ITFG2: variants seen among roughly 807,000 people sequenced by gnomAD.
The protein encoded by ITFG2 is integrin alpha FG-GAP repeat containing 2, also known as KICSTOR complex protein ITFG2.
In ITFG2, 36 loss-of-function variants were observed where a neutral mutation model predicts 54.4. That is an observed-to-expected ratio of 0.66 (90% CI 0.51 to 0.87). The LOEUF is 0.87. Ranked by LOEUF, ITFG2 falls within the 40% of genes least tolerant of loss-of-function variation. The pLI is 0.00. For synonymous variants in ITFG2, 211 were observed against 225.4 expected (o/e 0.94, Z 0.57); for missense variants, 524 against 576.7 (o/e 0.91, Z 0.94).
Position 2,820,254 on chromosome 12 carries a change from C to T in ITFG2, c.546+29C>T, listed in dbSNP as rs371263886. 2.6e-6 allele frequency: 4 copies of T among 1,547,158 alleles called. No individual in the cohort carries two copies. In the African/African-American group the frequency reaches 5.5e-5, roughly 21 times the overall value. On this transcript the variant is annotated intron_variant, in intron 5 of 11. Transcript: ENST00000228799. ...AGAAGCTGACTCTGGGGAACAAGGCCCCAGGGAGCTGGGAGGAAGGTCTCC... is the reference window on the plus strand; with the variant it reads ...AGAAGCTGACTCTGGGGAACAAGGCTCCAGGGAGCTGGGAGGAAGGTCTCC...
In ITFG2 at chr12:2,852,086, G is replaced by T. The variant is rs530220856; in HGVS notation, n.301-5926G>T. 2.0e-5 allele frequency among the ~76,000 whole-genome samples: 3 copies of T among 152,228 alleles called. No individual in the cohort carries two copies. In the South Asian group the frequency reaches 6.2e-4, roughly 32 times the overall value. On this transcript the variant is annotated intron_variant and non_coding_transcript_variant, in intron 2 of 3. Transcript: ENST00000537710. ...AGCTCCATTATAATCTTATGGGACC[G>T]CTGTGGTATATGTGGTCTGTCACTG...
chr12:2,854,655 G>T (rs1269978162), intron 2 of ITFG2, among the ~76,000 whole-genome samples: 1 of 152,172 alleles, frequency 6.6e-6, no homozygotes, highest in Non-Finnish European at 1.5e-5. Flanking sequence ...TGTGTCCCCA[G>T]TGCCTACCAG....
intron 2 of ITFG2, among the ~76,000 whole-genome samples, chr12:2,846,162 C>T (rs2098052854): frequency 6.6e-6 from 1 of 152,192 alleles, no homozygotes; most frequent in African/African-American, 2.4e-5. Flanking sequence ...TGCTGCAGAG[C>T]AGAGGCTGTT....
intron 1 of ITFG2, among the ~76,000 whole-genome samples, chr12:2,813,771 C>G (rs2097914974): frequency 6.6e-6 from 1 of 152,116 alleles, no homozygotes; most frequent in Non-Finnish European, 1.5e-5. Context: ...TCCCACCGCC[C>G]CCTAGTGCTG....
Position 2,818,290 on chromosome 12 carries a change from A to G in ITFG2, c.406+13A>G. ...ATCAGCGACATCGGTGGGCATGCCT[A>G]CCTTTGCAGGCAGCCAGGAGAGTAG... On this transcript the variant is annotated intron_variant, in intron 4 of 11. Coordinates refer to ENST00000228799, the MANE Select transcript of ITFG2 (RefSeq NM_018463.4). The G allele has an allele frequency of 6.2e-7, 1 of 1,610,828 alleles. No individual in the cohort carries two copies.
chr12:2,826,978 C>CT, downstream of ITFG2: 1 of 1,357,532 alleles, frequency 7.4e-7, no homozygotes, highest in East Asian at 3.1e-5. Flanking sequence ...AATCAGAATC[C>CT]TGGCATCGTG....
intron 1 of ITFG2, among the ~76,000 whole-genome samples, chr12:2,839,366 T>G (rs1282257348): frequency 6.6e-6 from 1 of 152,162 alleles, no homozygotes; most frequent in Non-Finnish European, 1.5e-5. Flanking sequence ...GGGAAGAAAC[T>G]TCGTCCAACT....
intron 2 of ITFG2, among the ~76,000 whole-genome samples, chr12:2,848,856 C>T (rs988260701): frequency 2.7e-5 from 4 of 148,254 alleles, no homozygotes; most frequent in Non-Finnish European, 4.4e-5. Context: ...CCTCTTCCCC[C>T]ACCCCAACAG....
chr12:2,828,214 A>G (rs1603483872), downstream of ITFG2: 1 of 1,172,726 alleles, frequency 8.5e-7, no homozygotes, highest in African/African-American at 1.5e-5. Flanking sequence ...TCTTTTGTTA[A>G]ATAACAGCTT....
At chr12:2,828,435 T>C (rs199777447), downstream of ITFG2, 39 of 1,593,282 alleles carry the variant, frequency 2.4e-5, no homozygotes, top group African/African-American at 5.0e-4. Flanking sequence ...AGAATCGTGG[T>C]GAATCAGTGA....
intron 4 of ITFG2, 111 bp from the exon 5 acceptor site, chr12:2,819,975 A>T: frequency 7.3e-7 from 1 of 1,366,310 alleles, no homozygotes; most frequent in Admixed American, 2.6e-5. Flanking sequence ...TGAAGTGAGT[A>T]GCACCGCAGA....
chr12:2,853,282 G>T (rs1368619455), intron 2 of ITFG2, among the ~76,000 whole-genome samples: 8 of 146,380 alleles, frequency 5.5e-5, no homozygotes, highest in East Asian at 2.0e-4. Context: ...TTGGTTTTTT[G>T]TTTTTTTTTT....
chr12:2,816,471 A>G (rs765144052), intron 1 of ITFG2, among the ~76,000 whole-genome samples: 3 of 151,292 alleles, frequency 2.0e-5, no homozygotes, highest in Non-Finnish European at 2.9e-5. Context: ...CTGGGACCAC[A>G]GGCGCCCGCC....
upstream of ITFG2, among the ~76,000 whole-genome samples, chr12:2,836,388 G>C (rs1449292993): frequency 1.3e-5 from 2 of 152,208 alleles, no homozygotes; most frequent in African/African-American, 4.8e-5. Flanking sequence ...GATGCTCACA[G>C]GGTGATTACC....
chr12:2,854,812 C>T (rs780974878), intron 2 of ITFG2: 78 of 1,367,878 alleles, frequency 5.7e-5, no homozygotes, highest in Non-Finnish European at 6.8e-5. Context: ...GACAGAGTCC[C>T]GGTTAGAAAC....
At chr12:2,820,589 A>G in intron 5 of ITFG2, 135 bp from the exon 6 acceptor site, 5 of 791,972 alleles carry the variant, frequency 6.3e-6, no homozygotes, top group Non-Finnish European at 1.0e-5. Flanking sequence ...CTACCCTTGA[A>G]GCCCAGAGGG....
chr12:2,842,160 T>C (rs1377084989), intron 2 of ITFG2, among the ~76,000 whole-genome samples: 4 of 134,902 alleles, frequency 3.0e-5, no homozygotes, highest in African/African-American at 1.1e-4. Context: ...CTTGCTCTGT[T>C]GCCCAGGCTG....
intron 1 of ITFG2, among the ~76,000 whole-genome samples, chr12:2,838,266 CTTACTTTATTCTTA>C (rs2098033241): frequency 6.6e-6 from 1 of 152,212 alleles, no homozygotes; most frequent in Non-Finnish European, 1.5e-5. Flanking sequence ...TCTCCTCCAA[CTTACTTTATTCTTA>C]GCAATTCATT....
chr12:2,840,698 A>G (rs568597491), intron 1 of ITFG2: 11 of 152,198 alleles, frequency 7.2e-5, no homozygotes, highest in African/African-American at 2.6e-4. Flanking sequence ...AGGCAGGAGA[A>G]TGGCGTGAAC....
Sources: allele counts gnomAD v4.1 joint callset (sites outside exome capture counted in the v4.1 genomes callset), GRCh38; gene constraint gnomAD v4.1.1; transcripts MANE v1.5; gene names NCBI Gene and HGNC (gene_info 2026-07-23, HGNC 2026-07-21).